Variants in GRIN2D observed in about 807,000 individuals in gnomAD.
GRIN2D encodes the protein glutamate receptor ionotropic, NMDA 2D.
GRIN2D carries 37 observed loss-of-function variants against 103.2 expected under a neutral mutation model. That is an observed-to-expected ratio of 0.36 (90% CI 0.28 to 0.47). The LOEUF is 0.47. Among genes scored for constraint, GRIN2D ranks in the 20% least tolerant of loss-of-function variants. GRIN2D has a pLI of 1.00. For synonymous variants in GRIN2D, 845 were observed against 885.6 expected, an observed-to-expected ratio of 0.95 and a Z score of 0.81; for missense variants, 1,557 against 1,910.6, an observed-to-expected ratio of 0.81 and a Z score of 3.45.
Position 48,442,796 on chromosome 19 carries a change from TG to T in GRIN2D, c.2872del (p.Ala958ProfsTer16). Reference sequence around the variant, plus strand: ...GCGGGGCCGCCGGGGGGCGCGGGCCTGGCCGACGGCTTCCACCGCTACTACG... The same window carrying T: ...GCGGGGCCGCCGGGGGGCGCGGGCCTGCCGACGGCTTCCACCGCTACTACG... ...KGAGPPGGAG[L>X]ADGFHRYYGP... On this transcript the variant is annotated frameshift_variant, in exon 14 of 14. Coordinates refer to ENST00000263269, the MANE Select transcript of GRIN2D (RefSeq NM_000836.4). LOFTEE classifies it high-confidence loss of function. The surrounding 1 kb of genome is among the most constrained non-coding windows in gnomAD (Gnocchi z 7.2). The T allele has an allele frequency of 9.4e-7, 1 of 1,066,494 alleles. No individual in the cohort carries two copies. The highest frequency in any genetic ancestry group is 1.1e-6 in the Non-Finnish European group (1 of 884,788). The allele number at this position is 1,066,494 out of a possible 1,614,324, so 66.1% of individuals were successfully genotyped here. A position where few individuals can be genotyped will look rare whatever the true frequency, so the allele number is the denominator to read the frequency against.
At chr19:48,406,549 A>T (rs913584621) in intron 4 of GRIN2D, among the ~76,000 whole-genome samples, 3 of 152,210 alleles carry the variant, frequency 2.0e-5, no homozygotes, top group African/African-American at 7.2e-5. Context: ...GGGAATCAGG[A>T]TCCCCGAAAA....
intron 3 of GRIN2D, 79 bp from the exon 4 acceptor site, chr19:48,404,653 GGA>G: frequency 7.3e-7 from 1 of 1,371,066 alleles, no homozygotes; most frequent in Non-Finnish European, 9.9e-7. Context: ...TGCCATATTG[GGA>G]GCTGTGGTCC....
rs535871253 is a variant in GRIN2D at position 48,430,965 on chromosome 19, G to A, written c.2252+9020G>A. On this transcript the variant is annotated intron_variant, in intron 11 of 13. Transcript: ENST00000263269. ...CTCCCAAATAGCTGGGATTACAGTC[G>A]TGCACCACCACGCCCAGCTAATTTT... Among the ~76,000 whole-genome samples, 8 of 151,764 alleles carry A rather than the reference G, an allele frequency of 5.3e-5. No individual in the cohort carries two copies. In the East Asian group the frequency reaches 9.7e-4, roughly 18 times the overall value.
At chr19:48,433,241 G>A (rs569785194) in intron 11 of GRIN2D, among the ~76,000 whole-genome samples, 1 of 151,608 alleles carries the variant, frequency 6.6e-6, no homozygotes, top group Non-Finnish European at 1.5e-5. Flanking sequence ...GATGGTGGGC[G>A]CCTGTAATCC....
chr19:48,411,757 T>A lies in GRIN2D; in HGVS notation c.1086-2234T>A, dbSNP rs1970863688. Among the ~76,000 whole-genome samples, 2 of 151,108 alleles carry A rather than the reference T, an allele frequency of 1.3e-5. 1 individual carries two copies. Among genetic ancestry groups the A allele is most frequent in the South Asian group, 4.2e-4 (2 of 4,800 alleles). On this transcript the variant is annotated intron_variant, in intron 4 of 13. Transcript: ENST00000263269. ...TCTGCAAAGTCCTAGAGATAAGAAA[T>A]CACTTGACATGTTTGGGAGACACCT... is the stretch of plus-strand genomic sequence containing the variant.
rs1007771230 is a variant in GRIN2D, at chr19:48,394,759, C to T, written c.-204C>T. The T allele has an allele frequency of 2.6e-5, 4 of 154,974 alleles. No homozygotes were observed. The highest frequency in any genetic ancestry group is 4.8e-5 in the African/African-American group (2 of 41,468). The allele number at this position is 154,974 out of a possible 1,614,324, so 9.6% of individuals were successfully genotyped here. A position where few individuals can be genotyped will look rare whatever the true frequency, so the allele number is the denominator to read the frequency against. On this transcript the variant is annotated 5_prime_UTR_variant, in exon 2 of 14. Coordinates refer to ENST00000263269, the MANE Select transcript of GRIN2D (RefSeq NM_000836.4). The surrounding 1 kb of genome is among the most constrained non-coding windows in gnomAD (Gnocchi z 5.1). ...AAGGAAGAGGAAGGAGAGACGGAGC[C>T]AGGGACAGACAGGAGGTCCGGGCTG... is the stretch of plus-strand genomic sequence containing the variant.
chr19:48,438,285 G>A (rs991353715), intron 11 of GRIN2D, among the ~76,000 whole-genome samples: 12 of 95,500 alleles, frequency 1.3e-4, no homozygotes, highest in African/African-American at 4.5e-4. Context: ...GCATCCAGCC[G>A]CCTTTTTTTT....
chr19:48,412,031 TA>T (rs922471645), intron 4 of GRIN2D, among the ~76,000 whole-genome samples: 36 of 143,252 alleles, frequency 2.5e-4, no homozygotes, highest in African/African-American at 2.6e-4. Context: ...TATCTCTACT[TA>T]AAAAAAAAAA....
intron 11 of GRIN2D, among the ~76,000 whole-genome samples, chr19:48,423,299 C>T (rs1189688893): frequency 6.6e-6 from 1 of 152,128 alleles, no homozygotes; most frequent in Non-Finnish European, 1.5e-5. Flanking sequence ...ACTCTCTCCC[C>T]GTCCTGCATT....
intron 11 of GRIN2D, among the ~76,000 whole-genome samples, chr19:48,424,818 AG>A (rs1971068532): frequency 6.6e-6 from 1 of 152,102 alleles, no homozygotes; most frequent in Non-Finnish European, 1.5e-5. Flanking sequence ...AAATGCAAAA[AG>A]TTTCCTAGTC....
rs1971316965 is a variant in GRIN2D, at chr19:48,442,848, C to T, written c.2922C>T (p.Gly974=). 1 of 1,085,336 alleles carries T rather than the reference C, an allele frequency of 9.2e-7. No individual in the cohort carries two copies. The highest frequency in any genetic ancestry group is 1.7e-5 in the African/African-American group (1 of 58,792). The allele number at this position is 1,085,336 out of a possible 1,614,324, so 67.2% of individuals were successfully genotyped here. ...GCCCCATCGAGCCGCAGGGCCTAGG[C>T]CTCGGCCTGGGCGAAGCGCGCGCGG... ...YYGPIEPQGL[G]LGLGEARAAP... The change falls in exon 14 of 14, where the codon GGC becomes GGT. Residue 974 remains glycine (G), a synonymous_variant. Coordinates refer to ENST00000263269, the MANE Select transcript of GRIN2D (RefSeq NM_000836.4). The surrounding 1 kb of genome is among the most constrained non-coding windows in gnomAD (Gnocchi z 7.2).
At chr19:48,401,404 T>G (rs376703561) in intron 3 of GRIN2D, among the ~76,000 whole-genome samples, 1 of 152,242 alleles carries the variant, frequency 6.6e-6, no homozygotes, top group East Asian at 1.9e-4. Flanking sequence ...GGATGGAGTT[T>G]CAATAGATGG....
At chr19:48,435,695 G>T (rs562952310) in intron 11 of GRIN2D, among the ~76,000 whole-genome samples, 2 of 152,128 alleles carry the variant, frequency 1.3e-5, no homozygotes, top group East Asian at 3.9e-4. Context: ...TCCGTGCCCC[G>T]GGCGGCCTCC....
intron 7 of GRIN2D, 90 bp downstream of exon 7, chr19:48,415,122 G>A: frequency 8.1e-7 from 1 of 1,231,932 alleles, no homozygotes; most frequent in Non-Finnish European, 1.1e-6. Context: ...TGTAATCCCA[G>A]CACTTTGGGA....
In GRIN2D at chr19:48,434,618, T is replaced by C. The variant is rs192963479; in HGVS notation, c.2253-7151T>C. On this transcript the variant is annotated intron_variant, in intron 11 of 13. Coordinates refer to ENST00000263269, the MANE Select transcript of GRIN2D (RefSeq NM_000836.4). ...AAATTTTTAATTGTATTTTTTTTTTTACAGATGGTCTCACTATGTTGCCCA... is the reference window on the plus strand; with the variant it reads ...AAATTTTTAATTGTATTTTTTTTTTCACAGATGGTCTCACTATGTTGCCCA... Among the ~76,000 whole-genome samples, 235 of 151,896 alleles carry C rather than the reference T, an allele frequency of 1.5e-3. 1 individual carries two copies. Among genetic ancestry groups the C allele is most frequent in the Middle Eastern group, 6.8e-3 (2 of 292 alleles).
chr19:48,406,555 G>A (rs532229135), intron 4 of GRIN2D, among the ~76,000 whole-genome samples: 2 of 152,082 alleles, frequency 1.3e-5, no homozygotes, highest in African/African-American at 4.8e-5. Flanking sequence ...CAGGATCCCC[G>A]AAAAAGAGGA....
intron 8 of GRIN2D, among the ~76,000 whole-genome samples, chr19:48,418,937 C>G (rs1264110097): frequency 6.6e-6 from 1 of 152,072 alleles, no homozygotes. Flanking sequence ...TGCCATAAGA[C>G]TATCTTGGAG....
chr19:48,416,956 C>G (rs1292618771), intron 8 of GRIN2D, among the ~76,000 whole-genome samples: 1 of 152,024 alleles, frequency 6.6e-6, no homozygotes, highest in African/African-American at 2.4e-5. Flanking sequence ...TGGTGGCCAG[C>G]CTAATCTCAA....
intron 3 of GRIN2D, among the ~76,000 whole-genome samples, chr19:48,399,927 T>G (rs1970689437): frequency 6.8e-5 from 10 of 146,238 alleles, no homozygotes; most frequent in African/African-American, 1.3e-4. Flanking sequence ...AATAAAGGGG[T>G]GGGTCTAGGG....
Sources: gnomAD v4.1 joint callset for allele counts (sites outside exome capture counted in the v4.1 genomes callset) on GRCh38, gnomAD v4.1.1 for gene constraint, Gnocchi (gnomAD v3.1) non-coding constraint, MANE v1.5 for transcripts, NCBI Gene and HGNC (gene_info 2026-07-23, HGNC 2026-07-21) for gene names.